PTGR2: variants seen among roughly 807,000 people sequenced by gnomAD.
PTGR2 encodes the protein prostaglandin reductase 2.
In PTGR2, 32 loss-of-function variants were observed where a neutral mutation model predicts 43.4. The ratio of observed to expected loss-of-function variants is 0.74; its 90% CI spans 0.56 to 0.99. The LOEUF is 0.99. Ranked by LOEUF, PTGR2 falls within the 50% of genes least tolerant of loss-of-function variation. The pLI, the probability that PTGR2 is intolerant of heterozygous loss-of-function variation, is 0.00. For synonymous variants in PTGR2, 106 were observed against 139.2 expected (o/e 0.76, Z 1.68); for missense variants, 373 against 420.0 (o/e 0.89, Z 0.98).
intron 3 of PTGR2, 52 bp from the exon 4 acceptor site, chr14:73,873,971 A>G: frequency 7.3e-7 from 1 of 1,372,258 alleles, no homozygotes; most frequent in Non-Finnish European, 1.0e-6. Flanking sequence ...GTAAATTAGT[A>G]GAGTGGTTTG....
At chr14:73,852,424 TG>T (rs1404059045) in intron 1 of PTGR2, among the ~76,000 whole-genome samples, 1 of 152,058 alleles carries the variant, frequency 6.6e-6, no homozygotes, top group East Asian at 1.9e-4. Context: ...GATAATTTTT[TG>T]TATTTTTGGT....
intron 8 of PTGR2, among the ~76,000 whole-genome samples, chr14:73,881,801 T>TG (rs2054996042): frequency 1.2e-5 from 1 of 86,162 alleles, no homozygotes; most frequent in African/African-American, 3.8e-5. Flanking sequence ...TTTTTTTTTT[T>TG]GAGACGGAGT....
intron 3 of PTGR2, among the ~76,000 whole-genome samples, chr14:73,867,095 A>AC (rs1279625715): frequency 4.8e-5 from 7 of 145,544 alleles, no homozygotes; most frequent in African/African-American, 1.7e-4. Context: ...TCTCAAAAAA[A>AC]AAAAAAAAAA....
chr14:73,880,735 G>T (rs1347049664), intron 7 of PTGR2, among the ~76,000 whole-genome samples: 1 of 152,134 alleles, frequency 6.6e-6, no homozygotes, highest in East Asian at 1.9e-4. Flanking sequence ...GAGAAAGGAT[G>T]CTACCCACAA....
At chr14:73,876,535 G>T (rs1241651234) in intron 4 of PTGR2, among the ~76,000 whole-genome samples, 2 of 145,202 alleles carry the variant, frequency 1.4e-5, no homozygotes, top group Non-Finnish European at 3.0e-5. Flanking sequence ...AGGCTGGAGT[G>T]CAGTGGCATG....
intron 2 of PTGR2, among the ~76,000 whole-genome samples, chr14:73,859,901 T>A (rs903573172): frequency 1.3e-5 from 2 of 151,024 alleles, no homozygotes; most frequent in Non-Finnish European, 2.9e-5. Flanking sequence ...CGCTCTGTCA[T>A]GCAGTGGCAC....
intron 9 of PTGR2, among the ~76,000 whole-genome samples, chr14:73,883,131 T>C (rs2055034942): frequency 6.9e-6 from 1 of 144,718 alleles, no homozygotes; most frequent in African/African-American, 2.5e-5. Context: ...AAGTCTTTTA[T>C]CTTTTAATGC....
chr14:73,855,152 C>T (rs1335970506), intron 1 of PTGR2, among the ~76,000 whole-genome samples: 3 of 152,142 alleles, frequency 2.0e-5, no homozygotes, highest in Non-Finnish European at 4.4e-5. Flanking sequence ...ATCTTTGAAA[C>T]ATTTTTGAAA....
chr14:73,866,438 G>T (rs1031360697), intron 3 of PTGR2, among the ~76,000 whole-genome samples: 36 of 151,936 alleles, frequency 2.4e-4, no homozygotes, highest in Admixed American at 2.2e-3. Context: ...CACCTGGCCT[G>T]TTTTTCTTTT....
chr14:73,865,989 G>A (rs1000874605), intron 3 of PTGR2, among the ~76,000 whole-genome samples: 1 of 151,690 alleles, frequency 6.6e-6, no homozygotes, highest in Non-Finnish European at 1.5e-5. Flanking sequence ...GCAAGTGTGA[G>A]TCTTCCAATC....
chr14:73,867,702 C>T (rs1450042635), intron 3 of PTGR2, among the ~76,000 whole-genome samples: 1 of 152,162 alleles, frequency 6.6e-6, no homozygotes, highest in Non-Finnish European at 1.5e-5. Flanking sequence ...AGAATTTTGC[C>T]TCTACCAGGT....
At chr14:73,854,326 T>G (rs2054296650) in intron 1 of PTGR2, among the ~76,000 whole-genome samples, 1 of 152,104 alleles carries the variant, frequency 6.6e-6, no homozygotes, top group Non-Finnish European at 1.5e-5. Context: ...GGTCTCAAAC[T>G]CCTGACCTCA....
At position 73,880,176 on chromosome 14, in the gene PTGR2, G is replaced by A; in HGVS notation, c.851G>A (p.Arg284Lys). 3 of 1,613,626 alleles carry A rather than the reference G, an allele frequency of 1.9e-6. No individual in the cohort carries two copies. The highest frequency in any genetic ancestry group is 2.5e-6 in the Non-Finnish European group (3 of 1,179,692). The change falls in exon 7 of 10, where the codon AGG becomes AAG. Residue 284 changes from arginine to lysine, a missense_variant and splice_region_variant. Coordinates refer to ENST00000555661, the MANE Select transcript of PTGR2 (RefSeq NM_001146154.2). Reference sequence around the variant, plus strand: ...ATCCAGAAAGAAAGAAACATCACAAGGTGTGTTCTTCCTCTTTGCCCTTAT... The same window carrying A: ...ATCCAGAAAGAAAGAAACATCACAAAGTGTGTTCTTCCTCTTTGCCCTTAT... ...EAIQKERNIT[R>K]ERFLVLNYKD...
At chr14:73,870,632 T>C (rs2054706531) in intron 3 of PTGR2, among the ~76,000 whole-genome samples, 1 of 152,124 alleles carries the variant, frequency 6.6e-6, no homozygotes, top group Non-Finnish European at 1.5e-5. Context: ...TTGGCTTTCA[T>C]ATTCTTTTTA....
chr14:73,877,200 ATTAT>A (rs1325098034), intron 5 of PTGR2, 32 bp downstream of exon 5: 3 of 1,568,136 alleles, frequency 1.9e-6, no homozygotes, highest in African/African-American at 1.4e-5. Context: ...TGATTTTCTG[ATTAT>A]TTGACGATTG....
chr14:73,875,472 G>T (rs2054837782), intron 4 of PTGR2, among the ~76,000 whole-genome samples: 1 of 151,722 alleles, frequency 6.6e-6, no homozygotes, highest in Admixed American at 6.6e-5. Context: ...CAGCCACCTG[G>T]GTAGCTGGGA....
chr14:73,853,240 G>A (rs1348250498), intron 1 of PTGR2, among the ~76,000 whole-genome samples: 2 of 152,180 alleles, frequency 1.3e-5, no homozygotes, highest in African/African-American at 2.4e-5. Context: ...AGCAGGTGCC[G>A]TGTTGGAGTA....
Position 73,880,177 on chromosome 14 carries a change from G to T in PTGR2, c.851+1G>T. The T allele has an allele frequency of 6.2e-7, 1 of 1,613,676 alleles. No homozygotes were observed. The highest frequency in any genetic ancestry group is 1.3e-5 in the African/African-American group (1 of 75,032). On this transcript the variant is annotated splice_donor_variant, in intron 7 of 9. Transcript: ENST00000555661. LOFTEE classifies it high-confidence loss of function. ...TCCAGAAAGAAAGAAACATCACAAGGTGTGTTCTTCCTCTTTGCCCTTATT... is the reference window on the plus strand; with the variant it reads ...TCCAGAAAGAAAGAAACATCACAAGTTGTGTTCTTCCTCTTTGCCCTTATT...
intron 4 of PTGR2, 123 bp downstream of exon 4, chr14:73,874,337 G>T: frequency 2.7e-6 from 2 of 743,178 alleles, no homozygotes; most frequent in South Asian, 3.9e-5. Context: ...TTAGCTAGCT[G>T]CCAAAATGTG....
Sources: allele counts gnomAD v4.1 joint callset (sites outside exome capture counted in the v4.1 genomes callset), GRCh38; gene constraint gnomAD v4.1.1; transcripts MANE v1.5; gene names NCBI Gene and HGNC (gene_info 2026-07-23, HGNC 2026-07-21).